The following DNAH8 variants were observed in gnomAD, a reference collection of about 807,000 sequenced individuals.
DNAH8 encodes axonemal beta dynein heavy chain 8.
A neutral mutation model predicts 562.1 loss-of-function variants in DNAH8; 382 were observed. That is an observed-to-expected ratio of 0.68 (90% CI 0.63 to 0.74). DNAH8 has a LOEUF of 0.74. Among genes scored for constraint, DNAH8 ranks in the 30% least tolerant of loss-of-function variants. The pLI, the probability that DNAH8 is intolerant of heterozygous loss-of-function variation, is 0.00. For missense variants in DNAH8, 5,203 were observed against 5,620.4 expected (o/e 0.93, Z 2.37); for synonymous variants, 1,881 against 1,919.4 (o/e 0.98, Z 0.52).
intron 41 of DNAH8, among the ~76,000 whole-genome samples, chr6:38,853,684 AC>A (rs1185611810): frequency 6.6e-6 from 1 of 152,110 alleles, no homozygotes; most frequent in East Asian, 1.9e-4. Flanking sequence ...TTATCTCCCA[AC>A]AAACTCATCA....
chr6:38,877,416 A>G (rs941972673), intron 53 of DNAH8, among the ~76,000 whole-genome samples: 17 of 152,174 alleles, frequency 1.1e-4, no homozygotes, highest in African/African-American at 3.4e-4. Flanking sequence ...CTTATTTTTA[A>G]TGGAGATGTT....
Position 38,913,862 on chromosome 6 carries a change from A to G in DNAH8, c.9873A>G (p.Leu3291=). The G allele has an allele frequency of 6.2e-7, 1 of 1,612,810 alleles. No individual in the cohort carries two copies. Among genetic ancestry groups the G allele is most frequent in the Non-Finnish European group, 8.5e-7 (1 of 1,179,066 alleles). ...GTATTTGTAAAGGTCTTGATAAACT[A>G]ATGGAGGCAAGTGAATCTGTTGCTA... ...AERMNIGLDK[L]MEASESVAKL... The change falls in exon 67 of 93, where the codon CTA becomes CTG. Residue 3291 remains leucine, a synonymous_variant. Coordinates refer to ENST00000327475, the MANE Select transcript of DNAH8 (RefSeq NM_001206927.2).
Position 38,935,891 on chromosome 6 carries a change from C to T in DNAH8, c.11563+194C>T, listed in dbSNP as rs76085128. ...TGATTTTTGAATTAGCAAATAGAGA[C>T]TGAGCATCTGAGAATAACACAATTT... On this transcript the variant is annotated intron_variant, in intron 77 of 92. Transcript: ENST00000327475. Among the ~76,000 whole-genome samples, 455 of 152,278 alleles carry T rather than the reference C, an allele frequency of 3.0e-3. 2 individuals are homozygous for T. The highest frequency in any genetic ancestry group is 0.011 in the African/African-American group (440 of 41,550).
At chr6:38,899,699 C>A in intron 61 of DNAH8, 77 bp from the exon 62 acceptor site, 1 of 1,505,446 alleles carries the variant, frequency 6.6e-7, no homozygotes, top group Non-Finnish European at 9.2e-7. Flanking sequence ...ATGATCAAAA[C>A]TTGGGCTCAT....
Position 38,853,245 on chromosome 6 carries a change from A to G in DNAH8, c.5631A>G (p.Lys1877=). ...PVEIWLLDLL[K]MQMSSLHNII... is the part of the protein sequence containing the mutation. ...AGATTTGGCTACTGGATTTGTTAAA[A>G]ATGCAGATGTCATCATTACATAATA... Residue 1877 remains lysine, a synonymous_variant, in exon 41 of 93, where the codon AAA becomes AAG. Coordinates refer to ENST00000327475, the MANE Select transcript of DNAH8 (RefSeq NM_001206927.2). 1 of 1,613,256 alleles carries G rather than the reference A, an allele frequency of 6.2e-7. No individual in the cohort carries two copies. The highest frequency in any genetic ancestry group is 1.1e-5 in the South Asian group (1 of 90,862).
chr6:38,872,539 T>C lies in DNAH8; in HGVS notation c.6994T>C (p.Tyr2332His), dbSNP rs1777546567. 1.2e-6 allele frequency: 2 copies of C among 1,613,888 alleles called. No individual in the cohort carries two copies. The highest frequency in any genetic ancestry group is 1.7e-5 in the Admixed American group (1 of 60,016). Reference protein sequence around the residue: ...PPWNLKLVQLYETSLVRHGLM... With the variant: ...PPWNLKLVQLHETSLVRHGLM... ...AATTTACTGGTTAATTGTGTAGTTA[T>C]ATGAGACGTCTTTGGTACGGCATGG... Residue 2332 changes from tyrosine to histidine, a missense_variant, in exon 50 of 93, where the codon TAT (tyrosine) becomes CAT (histidine). Transcript: ENST00000327475.
chr6:38,742,333 C>G (rs1247601962), intron 8 of DNAH8, among the ~76,000 whole-genome samples: 2 of 152,088 alleles, frequency 1.3e-5, no homozygotes, highest in East Asian at 1.9e-4. Flanking sequence ...GGGTCTCGTT[C>G]TGTCACTCGG....
chr6:38,767,414 G>A (rs1165240806), intron 11 of DNAH8, among the ~76,000 whole-genome samples: 2 of 147,402 alleles, frequency 1.4e-5, no homozygotes, highest in Non-Finnish European at 3.0e-5. Flanking sequence ...TCCAGCCTGG[G>A]CAACAAGAAC....
chr6:38,833,596 C>G (rs536369412), intron 31 of DNAH8, among the ~76,000 whole-genome samples: 1 of 152,134 alleles, frequency 6.6e-6, no homozygotes, highest in South Asian at 2.1e-4. Flanking sequence ...TCAGAAGCCG[C>G]AAACAAGCCC....
chr6:39,022,627 G>A (rs1487934002), intron 91 of DNAH8, among the ~76,000 whole-genome samples: 1 of 152,348 alleles, frequency 6.6e-6, no homozygotes, highest in Middle Eastern at 3.4e-3. Context: ...CCTGCTCAGG[G>A]ATGGGCTGGC....
In DNAH8 at chr6:38,723,590, TGGG is replaced by T. The variant is rs1646373736; in HGVS notation, c.525+121_525+123del. The T allele has an allele frequency of 1.5e-5, 20 of 1,326,628 alleles. No individual in the cohort carries two copies. The East Asian group carries it at 3.1e-4, about 20-fold the overall frequency. The allele number at this position is 1,326,628 out of a possible 1,614,324, so 82.2% of individuals were successfully genotyped here. On this transcript the variant is annotated intron_variant, in intron 3 of 92. Coordinates refer to ENST00000327475, the MANE Select transcript of DNAH8 (RefSeq NM_001206927.2). Reference sequence around the variant, plus strand: ...CAAAAATCATTCAGAAAGACAAAGTTGGGGCAGGGCACAGTGGCTCATGCCTGT... The same window carrying T: ...CAAAAATCATTCAGAAAGACAAAGTTGCAGGGCACAGTGGCTCATGCCTGT...
rs202079713 is a variant in DNAH8 at position 38,734,547 on chromosome 6, G to A, written c.684G>A (p.Pro228=). The A allele has an allele frequency of 1.9e-5, 30 of 1,613,798 alleles. No individual in the cohort carries two copies. The highest frequency in any genetic ancestry group is 8.0e-5 in the African/African-American group (6 of 75,004). ...MMKLYIDNAA[P]DKLKGLCIFF... ...AATTGTATATAGACAATGCAGCCCC[G>A]GATAAACTAAAAGGACTGTGCATAT... The change falls in exon 5 of 93, where the codon CCG becomes CCA. Residue 228 remains proline, a synonymous_variant. Transcript: ENST00000327475.
chr6:38,968,250 A>T lies in DNAH8; in HGVS notation c.12452-3342A>T, dbSNP rs905682994. 2.6e-5 allele frequency among the ~76,000 whole-genome samples: 4 copies of T among 152,198 alleles called. No homozygotes were observed. In the East Asian group the frequency reaches 7.7e-4, roughly 29 times the overall value. ...CGTGGATTAGGCAATGGTTTTCTAG[A>T]TATGAAACCAAAAACATAAGCAATA... On this transcript the variant is annotated intron_variant, in intron 82 of 92. Transcript: ENST00000327475.
chr6:38,721,624 G>C (rs986404590), intron 1 of DNAH8, among the ~76,000 whole-genome samples: 1 of 152,206 alleles, frequency 6.6e-6, no homozygotes, highest in Non-Finnish European at 1.5e-5. Context: ...CATTCTAGGG[G>C]ACAGTGGGTG....
chr6:38,846,717 T>G (rs1030378181), intron 36 of DNAH8, among the ~76,000 whole-genome samples: 1 of 152,158 alleles, frequency 6.6e-6, no homozygotes, highest in African/African-American at 2.4e-5. Flanking sequence ...TATGGTTCAT[T>G]GCAAATTTTG....
rs559162305 is a variant in DNAH8 at position 38,923,329 on chromosome 6, T to C, written c.10790+144T>C. The C allele has an allele frequency of 5.9e-5, 57 of 963,748 alleles. No individual in the cohort carries two copies. The African/African-American group carries it at 8.3e-4, about 14-fold the overall frequency. The allele number at this position is 963,748 out of a possible 1,614,324, so 59.7% of individuals were successfully genotyped here. ...TCATGCACTCTCAGGTGAAATACTA[T>C]AGAGGGTGAAGAAGATTTTGTGAAA... On this transcript the variant is annotated intron_variant, in intron 72 of 92. Transcript: ENST00000327475.
In DNAH8 at chr6:38,857,586, T is replaced by A. The variant is rs753223026; in HGVS notation, c.5802T>A (p.Asp1934Glu). The change falls in exon 42 of 93, where the codon GAT becomes GAA. Residue 1934 changes from aspartate (D) to glutamate (E), a missense_variant. This residue lies in a region of DNAH8 where 2,176 missense variants were observed against 2,365.1 expected (regional missense o/e 0.92). Transcript: ENST00000327475. ...AAGAGGCTTTACGTAATGCAAAAGATGACAGGAAAATCATGCAAGTGACCA... is the reference window on the plus strand; with the variant it reads ...AAGAGGCTTTACGTAATGCAAAAGAAGACAGGAAAATCATGCAAGTGACCA... The part of the protein sequence containing the change: ...DSEEALRNAK[D>E]DRKIMQVTNQ... 6.2e-7 allele frequency: 1 copy of A among 1,613,858 alleles called. No homozygotes were observed. The highest frequency in any genetic ancestry group is 8.5e-7 in the Non-Finnish European group (1 of 1,179,926).
Position 38,737,068 on chromosome 6 carries a change from A to G in DNAH8, c.764A>G (p.Glu255Gly), listed in dbSNP as rs1251469400. The change falls in exon 6 of 93, where the codon GAA becomes GGA. Residue 255 changes from glutamate to glycine, a missense_variant and splice_region_variant. Physicochemically the swap from Glu to Gly is moderately conservative, Grantham distance 98. This residue lies in a region of DNAH8 where 556 missense variants were observed against 496.9 expected (regional missense o/e 1.12). Transcript: ENST00000327475. ...AACATTTAAACTCCACCCTTTCAGG[A>G]AGCGCTCTTTACTGTTCTGGATGCG... ...VAINVKTIQE[E>G]ALFTVLDASK... 6.6e-7 allele frequency: 1 copy of G among 1,514,208 alleles called. No individual in the cohort carries two copies. The highest frequency in any genetic ancestry group is 8.8e-7 in the Non-Finnish European group (1 of 1,138,998). 93.8% of individuals were successfully genotyped at this position (1,514,208 alleles called of 1,614,324 possible).
At chr6:38,948,496 G>A (rs1761614706) in intron 80 of DNAH8, among the ~76,000 whole-genome samples, 1 of 151,926 alleles carries the variant, frequency 6.6e-6, no homozygotes, top group Admixed American at 6.6e-5. Context: ...GTGCCACCAC[G>A]CCCGGCTAAT....
Sources: allele counts gnomAD v4.1 joint callset (sites outside exome capture counted in the v4.1 genomes callset), GRCh38; gene constraint gnomAD v4.1.1; regional missense constraint gnomAD v4.1.1; transcripts MANE v1.5; gene names NCBI Gene and HGNC (gene_info 2026-07-23, HGNC 2026-07-21).